Variants in RLN1 observed in about 807,000 individuals in gnomAD.
RLN1 encodes the protein prorelaxin H1.
A neutral mutation model predicts 7.2 loss-of-function variants in RLN1; 4 were observed. That is an observed-to-expected ratio of 0.56 (90% CI 0.28 to 1.28). RLN1 has a LOEUF of 1.28. RLN1 is among the 50% of genes most tolerant of loss of function. The probability of loss-of-function intolerance (pLI) is 0.11; values close to 1 mark genes in which losing one functional copy is unlikely to be tolerated. For synonymous variants in RLN1, 105 were observed against 86.0 expected, an observed-to-expected ratio of 1.22 and a Z score of -1.22; for missense variants, 293 against 221.1, an observed-to-expected ratio of 1.32 and a Z score of -2.06.
chr9:5,335,110 C>G lies in RLN1; in HGVS notation c.*141G>C. 1.9e-6 allele frequency: 1 copy of G among 531,872 alleles called. No homozygotes were observed. The highest frequency in any genetic ancestry group is 3.2e-6 in the Non-Finnish European group (1 of 310,276). The allele number at this position is 531,872 out of a possible 1,614,324, so 32.9% of individuals were successfully genotyped here. A position where few individuals can be genotyped will look rare whatever the true frequency, so the allele number is the denominator to read the frequency against. On this transcript the variant is annotated 3_prime_UTR_variant, in exon 2 of 2. Coordinates refer to ENST00000223862, the MANE Select transcript of RLN1 (RefSeq NM_006911.4). ...ACTACAATCATACAAAGAATATTTT[C>G]TTACACACCAAATGAAAAATCTAAA...
chr9:5,335,477 T>C lies in RLN1; in HGVS notation c.332A>G (p.Glu111Gly). 6.2e-7 allele frequency: 1 copy of C among 1,613,466 alleles called. No homozygotes were observed. The highest frequency in any genetic ancestry group is 8.5e-7 in the Non-Finnish European group (1 of 1,179,546). Residue 111 changes from glutamate (E) to glycine (G), a missense_variant, in exon 2 of 2, where the codon GAG becomes GGG. By Grantham distance (98) the Glu-to-Gly change is moderately conservative (BLOSUM62 -2). Transcript: ENST00000223862. ...TAATGCAGGTACATACTGCTGTAGC[T>C]CTGGTAATGATGGTTGCCTCTCAGA... ...ALSERQPSLPELQQYVPALKD... is the reference protein window; with the variant it reads ...ALSERQPSLPGLQQYVPALKD...
At chr9:5,339,498 G>A (rs754398278) in intron 1 of RLN1, 38 bp downstream of exon 1, 16 of 1,438,968 alleles carry the variant, frequency 1.1e-5, no homozygotes, top group Non-Finnish European at 1.4e-5. Context: ...TAACCAATGG[G>A]AAGCGCGGGA....
rs1314892690 is a variant in RLN1 at position 5,335,178 on chromosome 9, G to C, written c.*73C>G. 12 of 853,948 alleles carry C rather than the reference G, an allele frequency of 1.4e-5. No individual in the cohort carries two copies. The highest frequency in any genetic ancestry group is 2.2e-5 in the Non-Finnish European group (12 of 557,742). The allele number at this position is 853,948 out of a possible 1,614,324, so 52.9% of individuals were successfully genotyped here. ...TATATTCTAATAATTAGTGGGACCT[G>C]ACAGAAGCATCAGTGAAATGTCATC... is the stretch of plus-strand genomic sequence containing the variant. On this transcript the variant is annotated 3_prime_UTR_variant, in exon 2 of 2. Coordinates refer to ENST00000223862, the MANE Select transcript of RLN1 (RefSeq NM_006911.4).
chr9:5,335,799 G>A (rs1464239359), intron 1 of RLN1, among the ~76,000 whole-genome samples: 1 of 151,850 alleles, frequency 6.6e-6, no homozygotes, highest in Admixed American at 6.6e-5. Flanking sequence ...TTTTACCAAG[G>A]CTCTGCTTTA....
upstream of RLN1, among the ~76,000 whole-genome samples, chr9:5,340,290 G>C (rs977695368): frequency 6.6e-6 from 1 of 152,214 alleles, no homozygotes; most frequent in South Asian, 2.1e-4. Context: ...TGAATAAATT[G>C]TTGATGAGAG....
chr9:5,336,788 G>C (rs1365790192), intron 1 of RLN1, among the ~76,000 whole-genome samples: 1 of 151,946 alleles, frequency 6.6e-6, no homozygotes, highest in Non-Finnish European at 1.5e-5. Context: ...TGAAAAGAAA[G>C]AGAAGAGAGG....
chr9:5,337,087 T>A (rs1021982145), intron 1 of RLN1, among the ~76,000 whole-genome samples: 5 of 152,116 alleles, frequency 3.3e-5, no homozygotes, highest in Admixed American at 2.0e-4. Flanking sequence ...AAATGACAGA[T>A]GAGAATTTAT....
rs148291364 is a variant in RLN1, at chr9:5,335,414, A to T, written c.395T>A (p.Leu132His). Residue 132 changes from leucine (L) to histidine (H), a missense_variant, in exon 2 of 2, where the codon CTT becomes CAT. By Grantham distance (99) the Leu-to-His change is moderately conservative. Transcript: ENST00000223862. ...SNLSFEEFKK[L>H]IRNRQSEAAD... ...GGCTTCACTTTGCCTATTGCGAATA[A>T]GTTTCTTAAATTCTTCAAAGCTAAG... The T allele has an allele frequency of 1.9e-6, 3 of 1,613,636 alleles. No individual in the cohort carries two copies. The African/African-American group carries it at 4.0e-5, about 22-fold the overall frequency.
chr9:5,335,618 G>A, intron 1 of RLN1, 21 bp from the exon 2 acceptor site: 1 of 1,517,800 alleles, frequency 6.6e-7, no homozygotes, highest in Non-Finnish European at 9.1e-7. Context: ...TAAAAAAAAA[G>A]TGTATGTGAA....
upstream of RLN1, among the ~76,000 whole-genome samples, chr9:5,340,864 G>C (rs1415292377): frequency 6.6e-6 from 1 of 152,156 alleles, no homozygotes; most frequent in Non-Finnish European, 1.5e-5. Flanking sequence ...AGCTCCATCA[G>C]ATAAACTGGA....
Sources: gnomAD v4.1 joint callset for allele counts (sites outside exome capture counted in the v4.1 genomes callset) on GRCh38, gnomAD v4.1.1 for gene constraint, MANE v1.5 for transcripts, NCBI Gene and HGNC (gene_info 2026-07-23, HGNC 2026-07-21) for gene names.